The following IGF2BP3 variants were observed in gnomAD, a reference collection of about 807,000 sequenced individuals.
The protein encoded by IGF2BP3 is insulin-like growth factor 2 mRNA-binding protein 3.
Under a neutral mutation model 73.8 loss-of-function variants are expected in IGF2BP3, and 9 were observed. The ratio of observed to expected loss-of-function variants is 0.12; its 90% CI spans 0.07 to 0.21. The LOEUF is 0.21. Among genes scored for constraint, IGF2BP3 ranks in the 10% least tolerant of loss-of-function variants. The probability of loss-of-function intolerance (pLI) is 1.00; values close to 1 mark genes in which losing one functional copy is unlikely to be tolerated. For synonymous variants in IGF2BP3, 258 were observed against 256.7 expected, an observed-to-expected ratio of 1.01 and a Z score of -0.05; for missense variants, 542 against 714.0, an observed-to-expected ratio of 0.76 and a Z score of 2.75.
At chr7:23,409,331 G>A (rs1786943885) in intron 3 of IGF2BP3, among the ~76,000 whole-genome samples, 1 of 152,104 alleles carries the variant, frequency 6.6e-6, no homozygotes, top group Non-Finnish European at 1.5e-5. Flanking sequence ...TATTCCAAAA[G>A]GGTTTTTTTG....
intron 3 of IGF2BP3, among the ~76,000 whole-genome samples, chr7:23,387,699 C>G (rs1261793463): frequency 6.6e-6 from 1 of 152,230 alleles, no homozygotes; most frequent in Non-Finnish European, 1.5e-5. Flanking sequence ...AAACCTGCTA[C>G]AATACCCATG....
chr7:23,334,517 C>T (rs1709538769), intron 10 of IGF2BP3, among the ~76,000 whole-genome samples: 1 of 152,096 alleles, frequency 6.6e-6, no homozygotes, highest in African/African-American at 2.4e-5. Context: ...TGGAAAAGGC[C>T]CATTAGCGTT....
intron 2 of IGF2BP3, among the ~76,000 whole-genome samples, chr7:23,455,193 A>T (rs2128549714): frequency 6.6e-6 from 1 of 152,334 alleles, no homozygotes; most frequent in Non-Finnish European, 1.5e-5. Context: ...CAAACACATG[A>T]AGAATGAGAA....
chr7:23,431,105 G>T (rs1452515353), intron 2 of IGF2BP3: 2 of 152,192 alleles, frequency 1.3e-5, no homozygotes, highest in Non-Finnish European at 2.9e-5. Flanking sequence ...GTACATATCT[G>T]TACATACACA....
Position 23,347,707 on chromosome 7 carries a change from C to T in IGF2BP3, c.711G>A (p.Ala237=), listed in dbSNP as rs36057757. The T allele has an allele frequency of 2.4e-4, 392 of 1,614,024 alleles. 1 individual carries two copies. The African/African-American group carries it at 4.5e-3, about 19-fold the overall frequency. Residue 237 remains alanine, a synonymous_variant, in exon 7 of 15, where the codon GCG becomes GCA. Coordinates refer to ENST00000258729, the MANE Select transcript of IGF2BP3 (RefSeq NM_006547.3). ...SKIDVHRKEN[A]GAAEKSITIL... is the part of the protein sequence containing the mutation. ...TAGTAATCGACTTCTCAGCAGCCCC[C>T]GCATTTTCTTTACGGTGGACATCGA...
intron 3 of IGF2BP3, among the ~76,000 whole-genome samples, chr7:23,406,027 T>C (rs1786818085): frequency 6.7e-6 from 1 of 149,746 alleles, no homozygotes; most frequent in East Asian, 2.0e-4. Flanking sequence ...TCTGGACGAC[T>C]GTTGCAAAGA....
chr7:23,372,063 C>T (rs1281888567), intron 3 of IGF2BP3, among the ~76,000 whole-genome samples: 1 of 151,762 alleles, frequency 6.6e-6, no homozygotes, highest in African/African-American at 2.4e-5. Flanking sequence ...TATTTGGTTA[C>T]ATGAATAAGT....
chr7:23,371,728 C>G (rs764683333), intron 3 of IGF2BP3, among the ~76,000 whole-genome samples: 1 of 152,186 alleles, frequency 6.6e-6, no homozygotes, highest in Non-Finnish European at 1.5e-5. Context: ...CTCCATCATA[C>G]CACACGGAGC....
At chr7:23,464,377 A>T (rs1298974714) in intron 2 of IGF2BP3, among the ~76,000 whole-genome samples, 1 of 152,202 alleles carries the variant, frequency 6.6e-6, no homozygotes, top group Non-Finnish European at 1.5e-5. Context: ...ATACACATAA[A>T]ATTTACCATC....
chr7:23,441,637 A>G (rs1441029039), intron 2 of IGF2BP3, among the ~76,000 whole-genome samples: 13 of 141,316 alleles, frequency 9.2e-5, no homozygotes, highest in East Asian at 8.1e-4. Context: ...AGATTTAGGG[A>G]AAAAAAAAAA....
chr7:23,414,968 G>A (rs200274990), intron 3 of IGF2BP3: 4 of 180,064 alleles, frequency 2.2e-5, no homozygotes, highest in Non-Finnish European at 4.7e-5. Context: ...GTCCCCATCC[G>A]TCAGTCAGCA....
At chr7:23,445,959 C>G (rs1308246942) in intron 2 of IGF2BP3, among the ~76,000 whole-genome samples, 1 of 152,022 alleles carries the variant, frequency 6.6e-6, no homozygotes, top group African/African-American at 2.4e-5. Context: ...AGCTGCTCGT[C>G]TAAAATGAAG....
chr7:23,388,607 CTTTTTT>C (rs35723715), intron 3 of IGF2BP3, among the ~76,000 whole-genome samples: 257 of 124,018 alleles, frequency 2.1e-3, no homozygotes, highest in African/African-American at 7.4e-3. Flanking sequence ...TCTTCTCCAT[CTTTTTT>C]TTTTTTTTTT....
intron 9 of IGF2BP3, among the ~76,000 whole-genome samples, 195 bp downstream of exon 9, chr7:23,343,520 TAAA>T (rs1234188193): frequency 6.6e-6 from 1 of 152,220 alleles, no homozygotes; most frequent in Non-Finnish European, 1.5e-5. Context: ...AATAATTTGC[TAAA>T]GTCACAGAGA....
intron 2 of IGF2BP3, among the ~76,000 whole-genome samples, chr7:23,450,889 A>C (rs926225366): frequency 6.6e-6 from 1 of 152,234 alleles, no homozygotes; most frequent in African/African-American, 2.4e-5. Flanking sequence ...TAAATTTAAA[A>C]AGGAATTTTT....
At chr7:23,375,653 C>T (rs1399806773) in intron 3 of IGF2BP3, among the ~76,000 whole-genome samples, 3 of 152,144 alleles carry the variant, frequency 2.0e-5, no homozygotes, top group African/African-American at 4.8e-5. Context: ...CTGGTAAAAT[C>T]ACAGAATAAG....
Position 23,468,527 on chromosome 7 carries a change from T to C in IGF2BP3, c.191A>G (p.His64Arg). 1 of 1,614,226 alleles carries C rather than the reference T, an allele frequency of 6.2e-7. No homozygotes were observed. The highest frequency in any genetic ancestry group is 8.5e-7 in the Non-Finnish European group (1 of 1,180,028). ...GTGCTCAACTTCTATGGGTTTCCCGTGCAGTTCTATTTTACCTGCGGACAC... is the reference window on the plus strand; with the variant it reads ...GTGCTCAACTTCTATGGGTTTCCCGCGCAGTTCTATTTTACCTGCGGACAC... ...IEALSGKIEL[H>R]GKPIEVEHSV... Residue 64 changes from histidine (H) to arginine (R), a missense_variant, in exon 2 of 15, where the codon CAC (histidine) becomes CGC (arginine). By Grantham distance (29) the His-to-Arg change is conservative (BLOSUM62 0). Coordinates refer to ENST00000258729, the MANE Select transcript of IGF2BP3 (RefSeq NM_006547.3).
chr7:23,314,248 T>C (rs1783914436), intron 12 of IGF2BP3, among the ~76,000 whole-genome samples: 1 of 151,314 alleles, frequency 6.6e-6, no homozygotes, highest in South Asian at 2.1e-4. Flanking sequence ...AGTGGCACGA[T>C]CTTGGGTCAC....
At chr7:23,365,199 C>T (rs1303997180) in intron 3 of IGF2BP3, among the ~76,000 whole-genome samples, 1 of 150,378 alleles carries the variant, frequency 6.6e-6, no homozygotes, top group Non-Finnish European at 1.5e-5. Context: ...GAAAGCCACA[C>T]TGATAGTAGA....
Sources: gnomAD v4.1 joint callset for allele counts (sites outside exome capture counted in the v4.1 genomes callset) on GRCh38, gnomAD v4.1.1 for gene constraint, MANE v1.5 for transcripts, NCBI Gene and HGNC (gene_info 2026-07-23, HGNC 2026-07-21) for gene names.